Variants in PPFIBP2 observed in about 807,000 individuals in gnomAD.
The protein encoded by PPFIBP2 is liprin-beta-2.
PPFIBP2 carries 118 observed loss-of-function variants against 118.3 expected under a neutral mutation model. That is an observed-to-expected ratio of 1.00 (90% CI 0.86 to 1.16). The LOEUF (loss-of-function observed/expected upper bound fraction) is 1.16. PPFIBP2 is among the 50% of genes most tolerant of loss of function. The pLI is 0.00. For missense variants in PPFIBP2, 1,195 were observed against 1,073.1 expected (o/e 1.11, Z -1.59); for synonymous variants, 414 against 397.4 (o/e 1.04, Z -0.50).
At position 7,569,644 on chromosome 11, in the gene PPFIBP2, G is replaced by C. The variant is rs537384407; in HGVS notation, c.279+3877G>C. The stretch of plus-strand genomic sequence containing the variant: ...AAGATGGGCTGGGACCTGGCCTGCA[G>C]AGGAAGCATCAGGGAGGCTGTCCTG... On this transcript the variant is annotated intron_variant, in intron 3 of 23. Transcript: ENST00000299492. Among the ~76,000 whole-genome samples the C allele has an allele frequency of 8.5e-5, 13 of 152,322 alleles. No individual in the cohort carries two copies. In the East Asian group the frequency reaches 2.5e-3, roughly 29 times the overall value.
intron 4 of PPFIBP2, among the ~76,000 whole-genome samples, chr11:7,595,740 TCCTTGGC>T (rs961785780): frequency 6.6e-6 from 1 of 152,108 alleles, no homozygotes; most frequent in Non-Finnish European, 1.5e-5. Context: ...TAATTTAGAG[TCCTTGGC>T]CCAGAAAGTT....
At chr11:7,547,366 G>A (rs1852438045) in intron 1 of PPFIBP2, among the ~76,000 whole-genome samples, 1 of 152,192 alleles carries the variant, frequency 6.6e-6, no homozygotes, top group Non-Finnish European at 1.5e-5. Context: ...TGTGGGGAGA[G>A]ATGTGAGCAT....
chr11:7,523,411 A>G (rs993674190), intron 1 of PPFIBP2, among the ~76,000 whole-genome samples: 3 of 152,180 alleles, frequency 2.0e-5, no homozygotes, highest in Admixed American at 6.5e-5. Flanking sequence ...CACAAAGAAT[A>G]CTGGGAGCCA....
the PPFIBP2 span, among the ~76,000 whole-genome samples, chr11:7,662,510 G>C: frequency 6.6e-6 from 1 of 151,652 alleles, no homozygotes; most frequent in Non-Finnish European, 1.5e-5. Flanking sequence ...TTTCTGCTGA[G>C]AGATCCGCTG....
At chr11:7,577,962 G>A (rs149500336) in intron 3 of PPFIBP2, among the ~76,000 whole-genome samples, 6 of 152,288 alleles carry the variant, frequency 3.9e-5, no homozygotes, top group African/African-American at 7.2e-5. Flanking sequence ...TGTGCCCACC[G>A]CTTTTCAGTT....
intron 5 of PPFIBP2, among the ~76,000 whole-genome samples, chr11:7,610,087 G>T (rs1271775610): frequency 6.6e-6 from 1 of 152,130 alleles, no homozygotes; most frequent in Non-Finnish European, 1.5e-5. Context: ...AAGCACAGTG[G>T]GTGGTATTGG....
chr11:7,627,974 T>G (rs1850244013), intron 8 of PPFIBP2, among the ~76,000 whole-genome samples: 1 of 152,222 alleles, frequency 6.6e-6, no homozygotes, highest in Non-Finnish European at 1.5e-5. Context: ...GATAAAAATG[T>G]CTATATTCTT....
At chr11:7,663,952 A>C in the PPFIBP2 span, among the ~76,000 whole-genome samples, 2 of 151,986 alleles carry the variant, frequency 1.3e-5, no homozygotes, top group East Asian at 1.9e-4. Context: ...CGGAAAGGGA[A>C]CTCCCTGACC....
rs767613446 is a variant in PPFIBP2, at chr11:7,631,001, G to C, written c.1041G>C (p.Lys347Asn). ...TCAGCAAGTGGAACGCTACAAATAA[G>C]GACCCTGAAGAATTATTTAAACAAG... The part of the protein sequence containing the change: ...GGFSKWNATN[K>N]DPEELFKQEM... The change falls in exon 11 of 24, where the codon AAG (lysine) becomes AAC (asparagine). Residue 347 changes from lysine to asparagine, a missense_variant. By Grantham distance (94) the Lys-to-Asn change is moderately conservative. Transcript: ENST00000299492. The C allele has an allele frequency of 2.5e-6, 4 of 1,613,696 alleles. No individual in the cohort carries two copies. The South Asian group carries it at 3.3e-5, about 13-fold the overall frequency.
Position 7,649,240 on chromosome 11 carries a change from G to A in PPFIBP2, c.1998+5G>A. On this transcript the variant is annotated splice_donor_5th_base_variant and intron_variant, in intron 20 of 23. Coordinates refer to ENST00000299492, the MANE Select transcript of PPFIBP2 (RefSeq NM_003621.5). ...ATGCTGCAATACCTAACTGTGGTGAGGACTTTTTCTTTAAATATTTCAGTT... is the reference window on the plus strand; with the variant it reads ...ATGCTGCAATACCTAACTGTGGTGAAGACTTTTTCTTTAAATATTTCAGTT... The A allele has an allele frequency of 6.2e-7, 1 of 1,609,564 alleles. No homozygotes were observed. The highest frequency in any genetic ancestry group is 1.1e-5 in the South Asian group (1 of 90,704).
chr11:7,525,093 T>G (rs916273973), intron 1 of PPFIBP2, among the ~76,000 whole-genome samples: 6 of 152,180 alleles, frequency 3.9e-5, no homozygotes, highest in African/African-American at 1.4e-4. Context: ...TCCTCTTGCC[T>G]GTCCTGCCCC....
At chr11:7,529,703 C>T (rs56023206) in intron 1 of PPFIBP2, among the ~76,000 whole-genome samples, 1 of 152,202 alleles carries the variant, frequency 6.6e-6, no homozygotes, top group African/African-American at 2.4e-5. Flanking sequence ...AATCCATTTC[C>T]CCAGCGGTGT....
intron 5 of PPFIBP2, among the ~76,000 whole-genome samples, chr11:7,609,243 C>T (rs578067035): frequency 5.9e-4 from 90 of 152,290 alleles, no homozygotes; most frequent in African/African-American, 2.1e-3. Flanking sequence ...CATTCTTGTG[C>T]TGAGCTTGGG....
chr11:7,663,469 T>A, the PPFIBP2 span, among the ~76,000 whole-genome samples: 1 of 151,858 alleles, frequency 6.6e-6, no homozygotes, highest in Non-Finnish European at 1.5e-5. Context: ...CAGGGGTCAG[T>A]GGTCAGGGAC....
downstream of PPFIBP2, among the ~76,000 whole-genome samples, chr11:7,661,236 T>C (rs1341649312): frequency 2.1e-5 from 3 of 146,316 alleles, no homozygotes. Context: ...TTAATTGTGA[T>C]GTCAGGGTGT....
At chr11:7,619,821 C>T (rs942434931) in intron 6 of PPFIBP2, among the ~76,000 whole-genome samples, 2 of 152,174 alleles carry the variant, frequency 1.3e-5, no homozygotes, top group African/African-American at 4.8e-5. Context: ...ATGAGAGTAA[C>T]TAGGAGGGGA....
intron 3 of PPFIBP2, among the ~76,000 whole-genome samples, chr11:7,566,341 A>G (rs10839813): frequency 0.31 from 47,259 of 151,964 alleles, 7,957 homozygotes; most frequent in African/African-American, 0.44. Context: ...TGCATTTCCC[A>G]TATACATATT....
chr11:7,665,827 C>T, the PPFIBP2 span: 58 of 1,533,270 alleles, frequency 3.8e-5, no homozygotes, highest in East Asian at 1.1e-3. Flanking sequence ...CGAGGTATAC[C>T]GAGGTGTGTG....
the PPFIBP2 span, among the ~76,000 whole-genome samples, chr11:7,664,313 G>C: frequency 6.6e-6 from 1 of 152,162 alleles, no homozygotes. Flanking sequence ...AGACAGACTT[G>C]AAACAGCCCA....
Sources: allele counts gnomAD v4.1 joint callset (sites outside exome capture counted in the v4.1 genomes callset), GRCh38; gene constraint gnomAD v4.1.1; transcripts MANE v1.5; gene names NCBI Gene and HGNC (gene_info 2026-07-23, HGNC 2026-07-21).